Variants in ITGBL1 observed in about 807,000 individuals in gnomAD.
ITGBL1 encodes the protein integrin subunit beta like 1, also known as integrin beta-like protein 1.
ITGBL1 carries 51 observed loss-of-function variants against 68.5 expected under a neutral mutation model. The ratio of observed to expected loss-of-function variants is 0.74; its 90% CI spans 0.59 to 0.94. The LOEUF is 0.94. Among genes scored for constraint, ITGBL1 ranks in the 40% least tolerant of loss-of-function variants. The pLI, the probability that ITGBL1 is intolerant of heterozygous loss-of-function variation, is 0.00. For missense variants in ITGBL1, 649 were observed against 647.4 expected (o/e 1.00, Z -0.03); for synonymous variants, 209 against 227.3 (o/e 0.92, Z 0.72).
chr13:101,705,064 A>G (rs2034225330), intron 8 of ITGBL1, among the ~76,000 whole-genome samples: 1 of 152,116 alleles, frequency 6.6e-6, no homozygotes, highest in Non-Finnish European at 1.5e-5. Flanking sequence ...GTAGTCCCCC[A>G]TTCGTATCCG....
At chr13:101,678,618 G>C (rs1189243162) in intron 7 of ITGBL1, among the ~76,000 whole-genome samples, 3 of 151,556 alleles carry the variant, frequency 2.0e-5, no homozygotes, top group Non-Finnish European at 4.4e-5. Flanking sequence ...TCCTGCCTCA[G>C]CCTCCTCAGT....
At chr13:101,475,098 G>T (rs2048516647) in intron 2 of ITGBL1, among the ~76,000 whole-genome samples, 1 of 152,054 alleles carries the variant, frequency 6.6e-6, no homozygotes, top group African/African-American at 2.4e-5. Context: ...ACTGAATAAG[G>T]CACCAGGGAC....
intron 7 of ITGBL1, among the ~76,000 whole-genome samples, chr13:101,633,310 G>A (rs113058371): frequency 1.3e-5 from 2 of 152,164 alleles, no homozygotes; most frequent in East Asian, 3.9e-4. Context: ...AGAAGCAATA[G>A]TGAAATGATG....
At chr13:101,514,335 A>G (rs1182448773) in intron 2 of ITGBL1, among the ~76,000 whole-genome samples, 1 of 152,172 alleles carries the variant, frequency 6.6e-6, no homozygotes, top group Non-Finnish European at 1.5e-5. Flanking sequence ...TGAAATTGCC[A>G]TGACTTAGTA....
chr13:101,595,094 A>G (rs190763278), intron 6 of ITGBL1, among the ~76,000 whole-genome samples: 4 of 152,208 alleles, frequency 2.6e-5, no homozygotes, highest in African/African-American at 7.2e-5. Flanking sequence ...ATAAATAACT[A>G]AAACCAAAAA....
intron 2 of ITGBL1, among the ~76,000 whole-genome samples, chr13:101,511,712 G>C (rs895878901): frequency 6.6e-6 from 1 of 152,056 alleles, no homozygotes; most frequent in Non-Finnish European, 1.5e-5. Flanking sequence ...CAAACAACCT[G>C]TGGTTGCTGG....
intron 2 of ITGBL1, among the ~76,000 whole-genome samples, chr13:101,489,526 G>A (rs145951006): frequency 6.6e-6 from 1 of 152,098 alleles, no homozygotes; most frequent in Non-Finnish European, 1.5e-5. Flanking sequence ...AAATGCTTTG[G>A]TATGTGATTT....
In ITGBL1 at chr13:101,647,216, TACC is replaced by T. The variant is rs1319150022; in HGVS notation, c.1016-45366_1016-45364del. Among the ~76,000 whole-genome samples the T allele has an allele frequency of 4.6e-5, 7 of 152,278 alleles. No individual in the cohort carries two copies. The East Asian group carries it at 1.4e-3, about 29-fold the overall frequency. Reference sequence around the variant, plus strand: ...GAGAATAAATTTTTAGACTTCTGTTTACCACAATTATAGAAATTAATTAACCTC... The same window carrying T: ...GAGAATAAATTTTTAGACTTCTGTTTACAATTATAGAAATTAATTAACCTC... On this transcript the variant is annotated intron_variant, in intron 7 of 10. Transcript: ENST00000376180.
At chr13:101,536,251 C>T (rs1594873103) in intron 2 of ITGBL1, among the ~76,000 whole-genome samples, 1 of 152,082 alleles carries the variant, frequency 6.6e-6, no homozygotes. Flanking sequence ...CTATCCCTCC[C>T]TGAAGTCAGG....
chr13:101,528,374 ATGTTTG>A (rs2049416151), intron 2 of ITGBL1, among the ~76,000 whole-genome samples: 2 of 151,692 alleles, frequency 1.3e-5, no homozygotes, highest in Admixed American at 1.3e-4. Flanking sequence ...TTTAACATAA[ATGTTTG>A]TGTACATTGT....
chr13:101,609,674 A>G (rs1487206788), intron 7 of ITGBL1, among the ~76,000 whole-genome samples: 9 of 152,158 alleles, frequency 5.9e-5, no homozygotes, highest in African/African-American at 9.7e-5. Flanking sequence ...AGAGAAAAGA[A>G]GAATCCAGAA....
rs895481863 is a variant in ITGBL1 at position 101,529,828 on chromosome 13, A to G, written c.317-37871A>G. 4.7e-4 allele frequency among the ~76,000 whole-genome samples: 71 copies of G among 152,316 alleles called. 1 individual carries two copies. Among genetic ancestry groups the G allele is most frequent in the African/African-American group, 1.7e-3 (69 of 41,580 alleles). On this transcript the variant is annotated intron_variant, in intron 2 of 10. Coordinates refer to ENST00000376180, the MANE Select transcript of ITGBL1 (RefSeq NM_004791.3). ...AAGTTTCCTGAAGTCCCTGCAGCCA[A>G]GTAGAACTGTGAGTCAATTAAACCT...
At chr13:101,472,910 C>A (rs912530345) in intron 2 of ITGBL1, among the ~76,000 whole-genome samples, 2 of 151,982 alleles carry the variant, frequency 1.3e-5, no homozygotes, top group Non-Finnish European at 1.5e-5. Flanking sequence ...ACTGCTTTCT[C>A]ATATATAGAG....
At chr13:101,644,715 A>G (rs1452292178) in intron 7 of ITGBL1, among the ~76,000 whole-genome samples, 1 of 152,180 alleles carries the variant, frequency 6.6e-6, no homozygotes. Context: ...ACGCCTCTGA[A>G]TTTGTCTAAG....
At chr13:101,506,354 G>A (rs2139098106) in intron 2 of ITGBL1, among the ~76,000 whole-genome samples, 1 of 152,242 alleles carries the variant, frequency 6.6e-6, no homozygotes, top group South Asian at 2.1e-4. Flanking sequence ...CAAAGACAAT[G>A]TCATAATTTA....
At chr13:101,537,935 C>T (rs2049608299) in intron 2 of ITGBL1, among the ~76,000 whole-genome samples, 1 of 151,958 alleles carries the variant, frequency 6.6e-6, no homozygotes, top group African/African-American at 2.4e-5. Context: ...CTATGTCAAA[C>T]TTTGGTTACA....
intron 2 of ITGBL1, among the ~76,000 whole-genome samples, chr13:101,477,022 C>A (rs1020469459): frequency 6.6e-6 from 1 of 151,968 alleles, no homozygotes; most frequent in Non-Finnish European, 1.5e-5. Context: ...CCAAGAACAT[C>A]GATGGCTGCA....
At chr13:101,472,691 G>C (rs1040019379) in intron 2 of ITGBL1, among the ~76,000 whole-genome samples, 4 of 152,080 alleles carry the variant, frequency 2.6e-5, no homozygotes, top group African/African-American at 9.7e-5. Flanking sequence ...CTATTGTGAA[G>C]TCCATTAACT....
chr13:101,712,628 T>A (rs1389227247), intron 9 of ITGBL1: 1 of 152,196 alleles, frequency 6.6e-6, no homozygotes, highest in East Asian at 1.9e-4. Flanking sequence ...AAATAACTAA[T>A]TTTCCTTCAC....
Sources: gnomAD v4.1 joint callset for allele counts (sites outside exome capture counted in the v4.1 genomes callset) on GRCh38, gnomAD v4.1.1 for gene constraint, MANE v1.5 for transcripts, NCBI Gene and HGNC (gene_info 2026-07-23, HGNC 2026-07-21) for gene names.